Variants in SYNPR observed in about 807,000 individuals in gnomAD.
SYNPR encodes the protein synaptoporin.
Under a neutral mutation model 32.9 loss-of-function variants are expected in SYNPR, and 23 were observed. That is an observed-to-expected ratio of 0.70 (90% CI 0.50 to 0.99). The LOEUF (loss-of-function observed/expected upper bound fraction) is 0.99. Among genes scored for constraint, SYNPR ranks in the 50% least tolerant of loss-of-function variants. The pLI is 0.00. For missense variants in SYNPR, 318 were observed against 349.3 expected (o/e 0.91, Z 0.71); for synonymous variants, 146 against 135.9 (o/e 1.07, Z -0.52).
chr3:63,449,546 ACCACCAGACATTG>A (rs1312487796), intron 2 of SYNPR, among the ~76,000 whole-genome samples: 1 of 152,158 alleles, frequency 6.6e-6, no homozygotes, highest in Non-Finnish European at 1.5e-5. Context: ...AACCAAAATT[ACCACCAGACATTG>A]CCAAATTGCC....
At chr3:63,600,614 G>C (rs1874386) in intron 4 of SYNPR, among the ~76,000 whole-genome samples, 78,496 of 151,970 alleles carry the variant, frequency 0.52, 20,442 homozygotes, top group South Asian at 0.62. Context: ...TGGATCATGG[G>C]GGCAGTTTCT....
chr3:63,410,807 T>C (rs1212299049), intron 2 of SYNPR, among the ~76,000 whole-genome samples: 1 of 152,118 alleles, frequency 6.6e-6, no homozygotes, highest in African/African-American at 2.4e-5. Context: ...ACTTAGCTGG[T>C]GAGGGGCAGC....
chr3:63,474,750 C>T (rs1700867808), intron 2 of SYNPR, among the ~76,000 whole-genome samples: 1 of 152,094 alleles, frequency 6.6e-6, no homozygotes, highest in African/African-American at 2.4e-5. Context: ...CTGAGTGGTA[C>T]CAACTACTTG....
intron 2 of SYNPR, among the ~76,000 whole-genome samples, chr3:63,262,060 G>A (rs183375355): frequency 8.6e-5 from 13 of 151,786 alleles, no homozygotes; most frequent in African/African-American, 3.1e-4. Flanking sequence ...CTTCTATTAG[G>A]GATTTACCAT....
intron 2 of SYNPR, among the ~76,000 whole-genome samples, chr3:63,388,381 T>C (rs1373504421): frequency 1.5e-5 from 1 of 66,922 alleles, no homozygotes; most frequent in Non-Finnish European, 2.5e-5. Context: ...TTGGAGCTCT[T>C]TTTTTTTTTT....
At chr3:63,509,992 T>C (rs955313117) in intron 3 of SYNPR, among the ~76,000 whole-genome samples, 1 of 152,022 alleles carries the variant, frequency 6.6e-6, no homozygotes, top group African/African-American at 2.4e-5. Context: ...CTCCTTCCTT[T>C]CTCATGACTA....
At chr3:63,465,458 CA>C (rs1460405532) in intron 2 of SYNPR, among the ~76,000 whole-genome samples, 1 of 151,842 alleles carries the variant, frequency 6.6e-6, no homozygotes, top group Non-Finnish European at 1.5e-5. Context: ...ATATATTGAA[CA>C]AAAAACTATT....
intron 2 of SYNPR, among the ~76,000 whole-genome samples, chr3:63,312,649 G>T (rs533062095): frequency 2.6e-5 from 4 of 151,872 alleles, no homozygotes; most frequent in African/African-American, 4.8e-5. Flanking sequence ...CCTTCCTGAC[G>T]TAATGGAATA....
At chr3:63,326,099 T>A (rs2087164051) in intron 2 of SYNPR, among the ~76,000 whole-genome samples, 1 of 151,910 alleles carries the variant, frequency 6.6e-6, no homozygotes, top group Non-Finnish European at 1.5e-5. Flanking sequence ...AAAGAAGAAA[T>A]TGGTTGACAA....
chr3:63,603,083 A>G (rs13327491), intron 4 of SYNPR, among the ~76,000 whole-genome samples: 94,547 of 151,918 alleles, frequency 0.62, 29,607 homozygotes, highest in African/African-American at 0.68. Context: ...TGTATTCCTA[A>G]GTATTTTATT....
At chr3:63,302,317 A>C (rs778543879) in intron 2 of SYNPR, among the ~76,000 whole-genome samples, 4 of 152,056 alleles carry the variant, frequency 2.6e-5, no homozygotes, top group Admixed American at 6.6e-5. Flanking sequence ...ACAGAGAAGT[A>C]GGAAGAAAAC....
upstream of SYNPR, among the ~76,000 whole-genome samples, chr3:63,224,805 C>T (rs1308447043): frequency 1.3e-5 from 2 of 152,212 alleles, no homozygotes; most frequent in South Asian, 2.1e-4. Context: ...CCTCCTCAGG[C>T]TATGCCTACT....
chr3:63,302,045 T>A (rs1458274993), intron 2 of SYNPR, among the ~76,000 whole-genome samples: 1 of 152,068 alleles, frequency 6.6e-6, no homozygotes, highest in African/African-American at 2.4e-5. Context: ...TATGAATAAA[T>A]GAATGAATTG....
intron 2 of SYNPR, among the ~76,000 whole-genome samples, chr3:63,305,078 C>T (rs1429272930): frequency 6.6e-6 from 1 of 151,992 alleles, no homozygotes; most frequent in Admixed American, 6.6e-5. Flanking sequence ...AATCTTTATG[C>T]AGTCCCCTCC....
chr3:63,537,697 T>A (rs1219865686), intron 3 of SYNPR, among the ~76,000 whole-genome samples: 2 of 152,170 alleles, frequency 1.3e-5, no homozygotes, highest in African/African-American at 4.8e-5. Context: ...TCACAGAAAG[T>A]GTCTTAGAGT....
intron 2 of SYNPR, among the ~76,000 whole-genome samples, chr3:63,439,270 C>T (rs977845097): frequency 1.3e-5 from 2 of 152,180 alleles, no homozygotes; most frequent in African/African-American, 4.8e-5. Flanking sequence ...ATCTACTTAA[C>T]CTTCTCTATA....
chr3:63,319,041 C>A (rs2087078115), intron 2 of SYNPR, among the ~76,000 whole-genome samples: 1 of 152,018 alleles, frequency 6.6e-6, no homozygotes, highest in Non-Finnish European at 1.5e-5. Flanking sequence ...TGGGTCTAGC[C>A]ACCCAGCGAG....
At chr3:63,493,956 C>G (rs1701307310) in intron 3 of SYNPR, among the ~76,000 whole-genome samples, 1 of 151,908 alleles carries the variant, frequency 6.6e-6, no homozygotes, top group African/African-American at 2.4e-5. Flanking sequence ...TGGAGAACTG[C>G]TGACCTAAAA....
intron 2 of SYNPR, among the ~76,000 whole-genome samples, chr3:63,421,353 C>A (rs1699795107): frequency 6.7e-6 from 1 of 150,108 alleles, no homozygotes; most frequent in Non-Finnish European, 1.5e-5. Context: ...TGGAAACCAC[C>A]AACTGTTAAT....
Sources: gnomAD v4.1 joint callset for allele counts (sites outside exome capture counted in the v4.1 genomes callset) on GRCh38, gnomAD v4.1.1 for gene constraint, MANE v1.5 for transcripts, NCBI Gene and HGNC (gene_info 2026-07-23, HGNC 2026-07-21) for gene names.